Variants in ANKS1B observed in about 807,000 individuals in gnomAD.
The protein encoded by ANKS1B is ankyrin repeat and sterile alpha motif domain-containing protein 1B.
A neutral mutation model predicts 148.3 loss-of-function variants in ANKS1B; 36 were observed. That is an observed-to-expected ratio of 0.24 (90% CI 0.19 to 0.32). The LOEUF is 0.32. Ranked by LOEUF, ANKS1B falls within the 10% of genes least tolerant of loss-of-function variation. The probability of loss-of-function intolerance (pLI) is 1.00; values close to 1 mark genes in which losing one functional copy is unlikely to be tolerated. For missense variants in ANKS1B, 1,157 were observed against 1,542.6 expected (o/e 0.75, Z 4.19); for synonymous variants, 542 against 560.8 (o/e 0.97, Z 0.47).
At chr12:99,738,175 A>G (rs893892172) in intron 8 of ANKS1B, among the ~76,000 whole-genome samples, 2 of 152,222 alleles carry the variant, frequency 1.3e-5, no homozygotes, top group Non-Finnish European at 2.9e-5. Context: ...GTACTGAAGC[A>G]GGAATTTAAG....
intron 11 of ANKS1B, among the ~76,000 whole-genome samples, chr12:99,415,045 GT>G (rs1386932474): frequency 6.6e-6 from 1 of 152,070 alleles, no homozygotes; most frequent in Non-Finnish European, 1.5e-5. Flanking sequence ...AAAAGTTCTA[GT>G]TTTTATTCTA....
At chr12:99,410,837 G>A (rs2094678016) in intron 11 of ANKS1B, among the ~76,000 whole-genome samples, 1 of 152,132 alleles carries the variant, frequency 6.6e-6, no homozygotes, top group Non-Finnish European at 1.5e-5. Context: ...TTTTTCCCAT[G>A]TTCTCTCTCT....
At chr12:98,904,367 C>T (rs1199777171) in intron 17 of ANKS1B, among the ~76,000 whole-genome samples, 1 of 152,144 alleles carries the variant, frequency 6.6e-6, no homozygotes, top group Non-Finnish European at 1.5e-5. Flanking sequence ...TGCTGTTTAT[C>T]CCAAGAGTTA....
intron 15 of ANKS1B, among the ~76,000 whole-genome samples, chr12:99,132,500 T>C (rs933232443): frequency 2.7e-5 from 4 of 149,494 alleles, no homozygotes; most frequent in Non-Finnish European, 5.9e-5. Flanking sequence ...AAAAAAGTAA[T>C]GAAGAATCCT....
intron 12 of ANKS1B, among the ~76,000 whole-genome samples, chr12:99,321,655 G>A (rs1318493355): frequency 1.3e-5 from 2 of 152,136 alleles, no homozygotes; most frequent in Non-Finnish European, 2.9e-5. Flanking sequence ...GCACTTCCTG[G>A]GTAAGGCGAT....
intron 12 of ANKS1B, among the ~76,000 whole-genome samples, chr12:99,258,381 G>A (rs188231381): frequency 1.8e-4 from 27 of 151,908 alleles, no homozygotes; most frequent in African/African-American, 6.5e-4. Context: ...AGAAACTAAG[G>A]GAGGTTTGGT....
intron 14 of ANKS1B, among the ~76,000 whole-genome samples, chr12:99,210,592 C>T (rs1474059778): frequency 6.6e-6 from 1 of 152,184 alleles, no homozygotes; most frequent in Non-Finnish European, 1.5e-5. Flanking sequence ...TAGGGTAAAA[C>T]TTCTAGACTC....
At chr12:99,740,888 C>T (rs145403496) in intron 8 of ANKS1B, among the ~76,000 whole-genome samples, 94 of 152,224 alleles carry the variant, frequency 6.2e-4, no homozygotes, top group African/African-American at 2.2e-3. Context: ...ACTTTTCCCA[C>T]TGTTTTTACA....
chr12:99,023,522 T>C (rs1386453522), intron 17 of ANKS1B, among the ~76,000 whole-genome samples: 2 of 152,200 alleles, frequency 1.3e-5, no homozygotes, highest in African/African-American at 4.8e-5. Context: ...TCTTAGGTAA[T>C]ATCTTTGTCT....
intron 8 of ANKS1B, among the ~76,000 whole-genome samples, chr12:99,718,864 G>A (rs1340001497): frequency 2.0e-5 from 3 of 152,278 alleles, no homozygotes; most frequent in African/African-American, 4.8e-5. Flanking sequence ...ACTGCCACAA[G>A]GCTTCACAGA....
In ANKS1B at chr12:98,844,826, T is replaced by C. The variant is rs79701116; in HGVS notation, c.2779-12690A>G. 5.5e-3 allele frequency among the ~76,000 whole-genome samples: 842 copies of C among 152,320 alleles called. 12 individuals are homozygous for C. The highest frequency in any genetic ancestry group is 0.02 in the African/African-American group (812 of 41,570). Reference sequence around the variant, plus strand: ...GGCATCAAAATAGACATAAGAAGAATACTTATCAGATTTTTCAATGACATA... The same window carrying C: ...GGCATCAAAATAGACATAAGAAGAACACTTATCAGATTTTTCAATGACATA... On this transcript the variant is annotated intron_variant, in intron 17 of 26. Coordinates refer to ENST00000683438, the MANE Select transcript of ANKS1B (RefSeq NM_001352186.2).
chr12:98,903,050 T>C (rs1195800159), intron 17 of ANKS1B, among the ~76,000 whole-genome samples: 1 of 152,194 alleles, frequency 6.6e-6, no homozygotes, highest in African/African-American at 2.4e-5. Flanking sequence ...CATTTGATGG[T>C]GATTATGTAC....
chr12:99,914,195 G>C (rs2094098637), intron 1 of ANKS1B, among the ~76,000 whole-genome samples: 2 of 152,184 alleles, frequency 1.3e-5, no homozygotes, highest in Non-Finnish European at 2.9e-5. Flanking sequence ...AATAGAAATA[G>C]CACTAGAAAG....
chr12:98,828,547 G>A (rs986571063), intron 19 of ANKS1B, among the ~76,000 whole-genome samples: 3 of 152,188 alleles, frequency 2.0e-5, no homozygotes, highest in African/African-American at 7.2e-5. Context: ...TAAGAACAGC[G>A]CCACTGTTCG....
chr12:99,429,759 T>C (rs1322836664), intron 11 of ANKS1B, among the ~76,000 whole-genome samples: 1 of 151,972 alleles, frequency 6.6e-6, no homozygotes. Flanking sequence ...GTCAGGAGAT[T>C]GAGACCATCC....
intron 17 of ANKS1B, among the ~76,000 whole-genome samples, chr12:98,994,120 C>T (rs1025669463): frequency 1.3e-5 from 2 of 151,998 alleles, no homozygotes; most frequent in Non-Finnish European, 1.5e-5. Flanking sequence ...ATTCCCACAG[C>T]GTCGTATGAT....
chr12:99,592,090 T>C (rs1050779197), intron 9 of ANKS1B, among the ~76,000 whole-genome samples: 5 of 152,190 alleles, frequency 3.3e-5, no homozygotes, highest in African/African-American at 1.2e-4. Context: ...AGCATGCTAT[T>C]ATACTTTAAG....
intron 17 of ANKS1B, among the ~76,000 whole-genome samples, chr12:98,916,962 ATTTTT>A (rs367815683): frequency 7.1e-6 from 1 of 141,538 alleles, no homozygotes; most frequent in African/African-American, 2.6e-5. Context: ...GTATTCAACT[ATTTTT>A]TTTTTTTTTT....
intron 1 of ANKS1B, among the ~76,000 whole-genome samples, chr12:99,883,892 G>T (rs777477852): frequency 1.3e-5 from 2 of 151,918 alleles, no homozygotes; most frequent in African/African-American, 2.4e-5. Context: ...CTCCAGCCTG[G>T]GTGACAGAGT....
Sources: allele counts gnomAD v4.1 joint callset (sites outside exome capture counted in the v4.1 genomes callset), GRCh38; gene constraint gnomAD v4.1.1; transcripts MANE v1.5; gene names NCBI Gene and HGNC (gene_info 2026-07-23, HGNC 2026-07-21).